Variants in MBNL2 observed in about 807,000 individuals in gnomAD.
MBNL2 encodes muscleblind like splicing regulator 2.
MBNL2 carries 17 observed loss-of-function variants against 41.9 expected under a neutral mutation model. That is an observed-to-expected ratio of 0.41 (90% CI 0.28 to 0.61). MBNL2 has a LOEUF of 0.61. Ranked by LOEUF, MBNL2 falls within the 20% of genes least tolerant of loss-of-function variation. The pLI, the probability that MBNL2 is intolerant of heterozygous loss-of-function variation, is 0.35. For missense variants in MBNL2, 336 were observed against 505.6 expected (o/e 0.66, Z 3.22); for synonymous variants, 195 against 182.9 (o/e 1.07, Z -0.53).
At chr13:97,297,848 C>T (rs894943222) in intron 2 of MBNL2, among the ~76,000 whole-genome samples, 1 of 152,154 alleles carries the variant, frequency 6.6e-6, no homozygotes, top group African/African-American at 2.4e-5. Flanking sequence ...TCTAAACAAG[C>T]AAAGGCTGCC....
intron 1 of MBNL2, among the ~76,000 whole-genome samples, chr13:97,249,503 A>G (rs1566365982): frequency 6.6e-6 from 1 of 152,250 alleles, no homozygotes; most frequent in East Asian, 1.9e-4. Flanking sequence ...CTCCATTGCT[A>G]GAACACATGG....
intron 2 of MBNL2, among the ~76,000 whole-genome samples, chr13:97,324,103 C>T (rs909938280): frequency 6.6e-6 from 1 of 152,166 alleles, no homozygotes; most frequent in Admixed American, 6.5e-5. Context: ...CCTTCCTCCC[C>T]ACTCTCAACT....
chr13:97,149,496 G>C, the MBNL2 span, among the ~76,000 whole-genome samples: 1 of 152,234 alleles, frequency 6.6e-6, no homozygotes, highest in Non-Finnish European at 1.5e-5. Context: ...ACTAGGGGCA[G>C]ACATGCTACC....
the MBNL2 span, among the ~76,000 whole-genome samples, chr13:97,199,225 A>C: frequency 1.3e-5 from 2 of 152,078 alleles, no homozygotes; most frequent in Non-Finnish European, 2.9e-5. Context: ...TACATCGTTC[A>C]TGTCTCTACT....
chr13:97,221,473 TG>T (rs1398928269), upstream of MBNL2: 2 of 152,218 alleles, frequency 1.3e-5, no homozygotes, highest in Non-Finnish European at 2.9e-5. Flanking sequence ...TTTTGTGGAA[TG>T]GCACCTCATG....
At chr13:97,248,278 C>A (rs1273720993) in intron 1 of MBNL2, among the ~76,000 whole-genome samples, 1 of 152,190 alleles carries the variant, frequency 6.6e-6, no homozygotes, top group Non-Finnish European at 1.5e-5. Context: ...TGTGCCACCA[C>A]AACCAGTTAA....
At chr13:97,310,149 T>C (rs2058459099) in intron 2 of MBNL2, among the ~76,000 whole-genome samples, 1 of 152,166 alleles carries the variant, frequency 6.6e-6, no homozygotes, top group Non-Finnish European at 1.5e-5. Context: ...TTCAGGGTTC[T>C]GATTGGGCTT....
intron 2 of MBNL2, among the ~76,000 whole-genome samples, chr13:97,308,130 T>C (rs1338966989): frequency 6.6e-6 from 1 of 152,230 alleles, no homozygotes; most frequent in East Asian, 1.9e-4. Flanking sequence ...GGTCCTTTTG[T>C]TGCTGGACGA....
At position 97,391,396 on chromosome 13, in the gene MBNL2, T is replaced by C; in HGVS notation, c.1123T>C (p.Cys375Arg). Reference protein sequence around the residue: ...SALRITKHCYCTYYPVSSSIE... With the variant: ...SALRITKHCYRTYYPVSSSIE... ...ATTGAGAATAACTAAACATTGTTACTGTACATACTATCCTGTTTCCTCCTC... is the reference window on the plus strand; with the variant it reads ...ATTGAGAATAACTAAACATTGTTACCGTACATACTATCCTGTTTCCTCCTC... Residue 375 changes from cysteine to arginine, a missense_variant, in exon 9 of 9, where the codon TGT becomes CGT. Cys to Arg is a radical substitution (Grantham distance 180, BLOSUM62 -3). Coordinates refer to ENST00000679496, the MANE Select transcript of MBNL2 (RefSeq NM_001382683.1). 1 of 1,576,736 alleles carries C rather than the reference T, an allele frequency of 6.3e-7. No individual in the cohort carries two copies. Among genetic ancestry groups the C allele is most frequent in the Non-Finnish European group, 8.7e-7 (1 of 1,146,416 alleles).
At chr13:97,234,263 T>G (rs2042895500) in intron 1 of MBNL2, among the ~76,000 whole-genome samples, 1 of 152,176 alleles carries the variant, frequency 6.6e-6, no homozygotes, top group African/African-American at 2.4e-5. Flanking sequence ...AGTGTCTCTT[T>G]AGGAGGCGAG....
At chr13:97,272,939 A>AAT in intron 1 of MBNL2, among the ~76,000 whole-genome samples, 1 of 152,298 alleles carries the variant, frequency 6.6e-6, no homozygotes, top group East Asian at 1.9e-4. Context: ...AGGGGGAAAA[A>AAT]ATATATATTT....
chr13:97,347,857 C>A (rs1361402716), intron 5 of MBNL2, among the ~76,000 whole-genome samples: 1 of 152,162 alleles, frequency 6.6e-6, no homozygotes, highest in Admixed American at 6.5e-5. Context: ...GAATCCTCAG[C>A]CTCACCCCAG....
intron 2 of MBNL2, among the ~76,000 whole-genome samples, chr13:97,331,240 A>G (rs1239411211): frequency 6.6e-6 from 1 of 152,210 alleles, no homozygotes; most frequent in East Asian, 1.9e-4. Context: ...GTGTTAACTC[A>G]TTTAATCACA....
intron 2 of MBNL2, among the ~76,000 whole-genome samples, 161 bp downstream of exon 2, chr13:97,276,570 A>G (rs1414767550): frequency 1.3e-5 from 2 of 152,162 alleles, no homozygotes; most frequent in Non-Finnish European, 2.9e-5. Context: ...TTTTCATATC[A>G]GGCATATATA....
intron 1 of MBNL2, among the ~76,000 whole-genome samples, chr13:97,233,174 T>TATATA (rs2042689603): frequency 8.3e-6 from 1 of 119,888 alleles, no homozygotes; most frequent in Non-Finnish European, 1.7e-5. Context: ...TATATATATA[T>TATATA]ATCTTTTTAT....
intron 1 of MBNL2, among the ~76,000 whole-genome samples, chr13:97,240,942 T>C (rs1198626859): frequency 1.3e-5 from 2 of 152,182 alleles, no homozygotes; most frequent in Non-Finnish European, 2.9e-5. Flanking sequence ...AGATGGTAAC[T>C]GGCTCACACA....
chr13:97,324,221 A>G (rs574842720), intron 2 of MBNL2, among the ~76,000 whole-genome samples: 87 of 152,302 alleles, frequency 5.7e-4, no homozygotes, highest in African/African-American at 2.1e-3. Context: ...CACACCGCCT[A>G]TCATGGCATT....
chr13:97,314,730 A>G (rs2058891655), intron 2 of MBNL2, among the ~76,000 whole-genome samples: 1 of 152,176 alleles, frequency 6.6e-6, no homozygotes, highest in African/African-American at 2.4e-5. Context: ...CAACAACTCT[A>G]ATGTTCAAGA....
Position 97,346,789 on chromosome 13 carries a change from T to C in MBNL2, c.541-15T>C. ...AGGCTTGCCTCTGCAGCGCGGCTCT[T>C]CTTCCCTGTCTTAGGTATGCAGGGA... On this transcript the variant is annotated splice_polypyrimidine_tract_variant and intron_variant, in intron 4 of 8. Coordinates refer to ENST00000679496, the MANE Select transcript of MBNL2 (RefSeq NM_001382683.1). This position sits in a 1 kb window ranked among gnomAD's most constrained non-coding sequence, Gnocchi z 4.2. 1 of 1,612,492 alleles carries C rather than the reference T, an allele frequency of 6.2e-7. No individual in the cohort carries two copies. The highest frequency in any genetic ancestry group is 8.5e-7 in the Non-Finnish European group (1 of 1,178,950).
Sources: gnomAD v4.1 joint callset for allele counts (sites outside exome capture counted in the v4.1 genomes callset) on GRCh38, gnomAD v4.1.1 for gene constraint, Gnocchi (gnomAD v3.1) non-coding constraint, MANE v1.5 for transcripts, NCBI Gene and HGNC (gene_info 2026-07-23, HGNC 2026-07-21) for gene names.